FSTL4: variants seen among roughly 807,000 people sequenced by gnomAD.
FSTL4 encodes the protein follistatin like 4, also known as follistatin-related protein 4.
Under a neutral mutation model 78.2 loss-of-function variants are expected in FSTL4, and 28 were observed. That is an observed-to-expected ratio of 0.36 (90% confidence interval 0.27 to 0.49). The LOEUF (loss-of-function observed/expected upper bound fraction) is 0.49, where lower values mean the gene tolerates loss of function less well. FSTL4 is among the 20% of genes least tolerant of loss of function. The probability of loss-of-function intolerance (pLI) is 0.98; values close to 1 mark genes in which losing one functional copy is unlikely to be tolerated. For missense variants in FSTL4, 922 were observed against 1,084.9 expected, an observed-to-expected ratio of 0.85 and a Z score of 2.11; for synonymous variants, 422 against 440.5, an observed-to-expected ratio of 0.96 and a Z score of 0.53.
chr5:133,710,797 G>C, the FSTL4 span, among the ~76,000 whole-genome samples: 4 of 152,242 alleles, frequency 2.6e-5, no homozygotes, highest in African/African-American at 9.6e-5. Flanking sequence ...TGTGGGTTGG[G>C]AGATAGTGGA....
intron 3 of FSTL4, among the ~76,000 whole-genome samples, chr5:133,457,314 C>G (rs1468148158): frequency 6.6e-6 from 1 of 152,180 alleles, no homozygotes; most frequent in Admixed American, 6.5e-5. Flanking sequence ...CTGGCTGCTT[C>G]CAGCCTTTCA....
chr5:133,430,905 A>G (rs552605134), intron 3 of FSTL4, among the ~76,000 whole-genome samples: 95 of 152,342 alleles, frequency 6.2e-4, no homozygotes, highest in African/African-American at 2.3e-3. Flanking sequence ...TATACAAACA[A>G]GAATTTCCCC....
chr5:133,833,552 C>T, the FSTL4 span, among the ~76,000 whole-genome samples: 1 of 152,186 alleles, frequency 6.6e-6, no homozygotes, highest in African/African-American at 2.4e-5. Context: ...TTACATTCAT[C>T]CTGGGCTTTC....
At chr5:133,456,478 C>T (rs1219951581) in intron 3 of FSTL4, among the ~76,000 whole-genome samples, 1 of 152,186 alleles carries the variant, frequency 6.6e-6, no homozygotes, top group Non-Finnish European at 1.5e-5. Context: ...CGCATTAGTC[C>T]AGCTTAGGGA....
chr5:133,598,876 T>C (rs898364132), intron 2 of FSTL4, among the ~76,000 whole-genome samples: 1 of 152,190 alleles, frequency 6.6e-6, no homozygotes, highest in Non-Finnish European at 1.5e-5. Context: ...ACACGTACTG[T>C]AGGTGAGGCT....
chr5:133,427,533 C>T (rs143003959), intron 3 of FSTL4: 39 of 472,528 alleles, frequency 8.3e-5, no homozygotes, highest in African/African-American at 5.7e-4. Context: ...ACAACACAGG[C>T]GGCTCTCCTC....
At chr5:133,680,742 C>A in the FSTL4 span, among the ~76,000 whole-genome samples, 1 of 152,210 alleles carries the variant, frequency 6.6e-6, no homozygotes, top group East Asian at 1.9e-4. Flanking sequence ...GACACGAAAG[C>A]CCTGCAGTTA....
intron 6 of FSTL4, among the ~76,000 whole-genome samples, chr5:133,293,869 C>T (rs1753324242): frequency 6.6e-6 from 1 of 152,174 alleles, no homozygotes; most frequent in African/African-American, 2.4e-5. Flanking sequence ...TGTGTGATTG[C>T]ATTTAGCTCC....
chr5:133,354,073 G>T (rs534680627), intron 4 of FSTL4, among the ~76,000 whole-genome samples: 2 of 152,186 alleles, frequency 1.3e-5, no homozygotes, highest in Non-Finnish European at 2.9e-5. Context: ...CTGCTATGTG[G>T]CCTCAGAGAG....
chr5:133,391,938 C>T (rs1755860172), intron 4 of FSTL4, among the ~76,000 whole-genome samples: 1 of 152,314 alleles, frequency 6.6e-6, no homozygotes, highest in South Asian at 2.1e-4. Flanking sequence ...ACTGTACCTG[C>T]CATGGGGACT....
intron 4 of FSTL4, among the ~76,000 whole-genome samples, chr5:133,371,285 G>A (rs1755292292): frequency 6.6e-6 from 1 of 152,226 alleles, no homozygotes; most frequent in Non-Finnish European, 1.5e-5. Context: ...TTTTGGGGCT[G>A]CCCAGAAGCC....
At chr5:133,372,753 A>C (rs1243051373) in intron 4 of FSTL4, among the ~76,000 whole-genome samples, 1 of 152,222 alleles carries the variant, frequency 6.6e-6, no homozygotes, top group African/African-American at 2.4e-5. Context: ...GGGAATCTGC[A>C]TATCAAATGT....
At chr5:133,574,029 A>G (rs1760220852) in intron 2 of FSTL4, among the ~76,000 whole-genome samples, 1 of 152,228 alleles carries the variant, frequency 6.6e-6, no homozygotes, top group South Asian at 2.1e-4. Context: ...AACCAAAAGA[A>G]TATCTCAGAC....
At chr5:133,437,007 T>C (rs1757046323) in intron 3 of FSTL4, among the ~76,000 whole-genome samples, 1 of 152,182 alleles carries the variant, frequency 6.6e-6, no homozygotes, top group Non-Finnish European at 1.5e-5. Context: ...ATGGATTGGA[T>C]TGAGTTGCTA....
chr5:133,448,993 C>T (rs1044738735), intron 3 of FSTL4, among the ~76,000 whole-genome samples: 1 of 152,070 alleles, frequency 6.6e-6, no homozygotes, highest in African/African-American at 2.4e-5. Context: ...GATAACATTT[C>T]CATTTTAGTG....
At chr5:133,288,847 C>T (rs531076127) in intron 6 of FSTL4, among the ~76,000 whole-genome samples, 54 of 152,048 alleles carry the variant, frequency 3.6e-4, no homozygotes, top group Non-Finnish European at 6.2e-4. Flanking sequence ...TTTTCTGGGT[C>T]GCATGTCCAC....
At chr5:133,825,051 G>A in the FSTL4 span, among the ~76,000 whole-genome samples, 90 of 152,334 alleles carry the variant, frequency 5.9e-4, no homozygotes, top group African/African-American at 2.1e-3. Flanking sequence ...TGGCAGAGAT[G>A]AAGAGGCTCA....
At position 133,271,966 on chromosome 5, in the gene FSTL4, C is replaced by T. The variant is rs1289061079; in HGVS notation, c.728-22390G>A. ...GCTTTTCCTCCTCCACCCTGAAGAG[C>T]AGCCAGCTTTGACCGGGGGGCTTTG... On this transcript the variant is annotated intron_variant, in intron 6 of 15. Coordinates refer to ENST00000265342, the MANE Select transcript of FSTL4 (RefSeq NM_015082.2). Among the ~76,000 whole-genome samples the T allele has an allele frequency of 7.2e-5, 11 of 152,304 alleles. No individual in the cohort carries two copies. The East Asian group carries it at 2.1e-3, about 29-fold the overall frequency.
intron 6 of FSTL4, among the ~76,000 whole-genome samples, chr5:133,302,797 C>A (rs940180131): frequency 1.2e-4 from 18 of 152,244 alleles, no homozygotes; most frequent in South Asian, 2.1e-4. Context: ...TCAAGGGGAA[C>A]CCTCAGGTCT....
Sources: allele counts gnomAD v4.1 joint callset (sites outside exome capture counted in the v4.1 genomes callset), GRCh38; gene constraint gnomAD v4.1.1; transcripts MANE v1.5; gene names NCBI Gene and HGNC (gene_info 2026-07-23, HGNC 2026-07-21).